Variants in CFI observed in about 807,000 individuals in gnomAD.
CFI encodes complement factor I.
Under a neutral mutation model 78.8 loss-of-function variants are expected in CFI, and 66 were observed. The observed-to-expected ratio is 0.84, with a 90% CI of 0.69 to 1.03. The LOEUF is 1.03. Among genes scored for constraint, CFI ranks in the 50% least tolerant of loss-of-function variants. The probability of loss-of-function intolerance (pLI) is 0.00; values close to 1 mark genes in which losing one functional copy is unlikely to be tolerated. For missense variants in CFI, 706 were observed against 704.5 expected (o/e 1.00, Z -0.02); for synonymous variants, 250 against 232.6 (o/e 1.07, Z -0.68).
chr4:109,778,653 C>G (rs1345908663), intron 1 of CFI, among the ~76,000 whole-genome samples: 1 of 152,122 alleles, frequency 6.6e-6, no homozygotes, highest in Non-Finnish European at 1.5e-5. Flanking sequence ...CATCCTGATA[C>G]CAAAGCCTGG....
intron 1 of CFI, among the ~76,000 whole-genome samples, chr4:109,785,510 C>T (rs1305139903): frequency 6.6e-6 from 1 of 151,878 alleles, no homozygotes; most frequent in Non-Finnish European, 1.5e-5. Context: ...TATTTTTGCT[C>T]CCCACCCACA....
At chr4:109,757,036 T>C (rs1316929508) in intron 7 of CFI, among the ~76,000 whole-genome samples, 1 of 152,014 alleles carries the variant, frequency 6.6e-6, no homozygotes, top group Non-Finnish European at 1.5e-5. Context: ...TGAGTCATTT[T>C]ACATTTACAT....
At chr4:109,754,061 G>T (rs1322341348) in intron 7 of CFI, among the ~76,000 whole-genome samples, 1 of 151,240 alleles carries the variant, frequency 6.6e-6, no homozygotes, top group African/African-American at 2.4e-5. Context: ...TCGGCTCACT[G>T]CAACATCCGC....
downstream of CFI, among the ~76,000 whole-genome samples, chr4:109,735,779 A>T (rs1323929358): frequency 3.3e-5 from 5 of 152,256 alleles, no homozygotes; most frequent in East Asian, 9.6e-4. Context: ...TCAGACTTAC[A>T]TCTGGAAAAC....
At chr4:109,771,571 G>C (rs547478321) in intron 1 of CFI, among the ~76,000 whole-genome samples, 1 of 150,984 alleles carries the variant, frequency 6.6e-6, no homozygotes, top group African/African-American at 2.4e-5. Context: ...AAAATTAGCC[G>C]GGCGTAGTGG....
chr4:109,756,061 T>C (rs1726093064), intron 7 of CFI, among the ~76,000 whole-genome samples: 1 of 152,174 alleles, frequency 6.6e-6, no homozygotes, highest in South Asian at 2.1e-4. Context: ...AAAAAATGTA[T>C]GCTTGCAAAA....
chr4:109,759,509 A>G (rs1215799280), intron 6 of CFI, among the ~76,000 whole-genome samples: 1 of 152,162 alleles, frequency 6.6e-6, no homozygotes, highest in Non-Finnish European at 1.5e-5. Flanking sequence ...TAGATTTTAG[A>G]TATACAAATG....
At position 109,746,289 on chromosome 4, in the gene CFI, G is replaced by C; in HGVS notation, c.1362C>G (p.Val454=). ...CELPRSIPAC[V]PWSPYLFQPN... ...GTTGGAATAGGTAAGGAGACCAGGG[G>C]ACACAGGCAGGGATGGAACGAGGCA... The change falls in exon 11 of 13, where the codon GTC becomes GTG. Residue 454 remains valine (V), a synonymous_variant. Transcript: ENST00000394634. 6.2e-7 allele frequency: 1 copy of C among 1,614,174 alleles called. No individual in the cohort carries two copies. Among genetic ancestry groups the C allele is most frequent in the African/African-American group, 1.3e-5 (1 of 75,056 alleles).
intron 3 of CFI, chr4:109,764,251 C>G: frequency 2.2e-6 from 1 of 463,164 alleles, no homozygotes; most frequent in Non-Finnish European, 3.9e-6. Context: ...TAATTGTAGA[C>G]GAGTAGGAGA....
chr4:109,782,399 A>C (rs1027529231), intron 1 of CFI, among the ~76,000 whole-genome samples: 6 of 149,914 alleles, frequency 4.0e-5, no homozygotes, highest in African/African-American at 7.4e-5. Context: ...CACAGAATCA[A>C]ATCAAGAACT....
intron 6 of CFI, chr4:109,758,032 T>A (rs1726545728): frequency 8.7e-7 from 1 of 1,146,984 alleles, no homozygotes; most frequent in African/African-American, 1.6e-5. Flanking sequence ...CACAAATTAT[T>A]AAATTTCAGA....
At position 109,760,542 on chromosome 4, in the gene CFI, A is replaced by G; in HGVS notation, c.753T>C (p.Ser251=). The G allele has an allele frequency of 6.3e-7, 1 of 1,593,812 alleles. No homozygotes were observed. The highest frequency in any genetic ancestry group is 1.1e-5 in the South Asian group (1 of 90,666). Residue 251 remains serine (S), a synonymous_variant, in exon 5 of 13, where the codon AGT becomes AGC. Transcript: ENST00000394634. Reference sequence around the variant, plus strand: ...GTCTACCTTTACAACACAGTTCATCACTTTGGTCTCCACAATCATTGATAC... The same window carrying G: ...GTCTACCTTTACAACACAGTTCATCGCTTTGGTCTCCACAATCATTGATAC... ...CDGINDCGDQ[S]DELCCKACQG...
downstream of CFI, among the ~76,000 whole-genome samples, chr4:109,739,211 T>C (rs1335430287): frequency 6.7e-6 from 1 of 150,030 alleles, no homozygotes; most frequent in African/African-American, 2.5e-5. Flanking sequence ...TGGCCCTAAA[T>C]AAAATAATAA....
chr4:109,790,532 AC>A (rs1731246997), intron 1 of CFI, among the ~76,000 whole-genome samples: 1 of 152,074 alleles, frequency 6.6e-6, no homozygotes, highest in East Asian at 1.9e-4. Flanking sequence ...TTATTGTATC[AC>A]CCAGGTATTA....
At chr4:109,789,723 A>G (rs1432592147) in intron 1 of CFI, among the ~76,000 whole-genome samples, 1 of 152,002 alleles carries the variant, frequency 6.6e-6, no homozygotes, top group African/African-American at 2.4e-5. Context: ...GGATACTGGA[A>G]ATCTTTGGGA....
downstream of CFI, among the ~76,000 whole-genome samples, chr4:109,738,466 C>G (rs185603026): frequency 2.0e-5 from 3 of 152,102 alleles, no homozygotes; most frequent in African/African-American, 4.8e-5. Context: ...GCGTTGCTCC[C>G]GGATTGCTGA....
chr4:109,760,855 T>C (rs1007701868), intron 4 of CFI, among the ~76,000 whole-genome samples: 10 of 152,186 alleles, frequency 6.6e-5, no homozygotes, highest in African/African-American at 9.7e-5. Flanking sequence ...AAAGTCAGTA[T>C]TAATTGTGAA....
At chr4:109,768,757 C>A (rs1203513418) in intron 1 of CFI, among the ~76,000 whole-genome samples, 1 of 152,168 alleles carries the variant, frequency 6.6e-6, no homozygotes, top group African/African-American at 2.4e-5. Flanking sequence ...AAGCATCAAG[C>A]TGGGGCAGAC....
intron 2 of CFI, 39 bp from the exon 3 acceptor site, chr4:109,764,729 A>T: frequency 6.3e-7 from 1 of 1,583,724 alleles, no homozygotes; most frequent in Non-Finnish European, 8.6e-7. Flanking sequence ...ATATGTAGCC[A>T]TTCACTTTTT....
Sources: allele counts gnomAD v4.1 joint callset (sites outside exome capture counted in the v4.1 genomes callset), GRCh38; gene constraint gnomAD v4.1.1; transcripts MANE v1.5; gene names NCBI Gene and HGNC (gene_info 2026-07-23, HGNC 2026-07-21).